Variants in PDE7A observed in about 807,000 individuals in gnomAD.
PDE7A encodes the protein phosphodiesterase 7A, also known as high affinity 3',5'-cyclic-AMP phosphodiesterase 7A.
Under a neutral mutation model 64.3 loss-of-function variants are expected in PDE7A, and 39 were observed. That is an observed-to-expected ratio of 0.61 (90% CI 0.47 to 0.79). The LOEUF (loss-of-function observed/expected upper bound fraction) is 0.79, where lower values mean the gene tolerates loss of function less well. Ranked by LOEUF, PDE7A falls within the 30% of genes least tolerant of loss-of-function variation. The probability of loss-of-function intolerance (pLI) is 0.00; values close to 1 mark genes in which losing one functional copy is unlikely to be tolerated. For missense variants in PDE7A, 470 were observed against 582.8 expected (o/e 0.81, Z 1.99); for synonymous variants, 203 against 206.8 (o/e 0.98, Z 0.16).
rs1194762013 is a variant in PDE7A, at chr8:65,841,390, T to C, written c.119A>G (p.Asn40Ser). The C allele has an allele frequency of 6.4e-6, 10 of 1,558,880 alleles. No individual in the cohort carries two copies. Among genetic ancestry groups the C allele is most frequent in the East Asian group, 5.2e-5 (2 of 38,732 alleles). Reference sequence around the variant, plus strand: ...GATTACCTGAGAGAGCTGCCGGGGATTGGGGCAGCCGAAGAGAGCGGAGCT... The same window carrying C: ...GATTACCTGAGAGAGCTGCCGGGGACTGGGGCAGCCGAAGAGAGCGGAGCT... ...SSSSALFGCPNPRQLSQRRGA... is the reference protein window; with the variant it reads ...SSSSALFGCPSPRQLSQRRGA... Residue 40 changes from asparagine (N) to serine (S), a missense_variant, in exon 1 of 13, where the codon AAT becomes AGT. Transcript: ENST00000401827.
In PDE7A at chr8:65,775,144, CCT is replaced by C. The variant is rs376463046; in HGVS notation, c.283+4574_283+4575del. ...TTTCTCTTTATCTGTGGTGTTTTCCCCTCTTAGTTTTTGAGTATGCACGTTAG... is the reference window on the plus strand; with the variant it reads ...TTTCTCTTTATCTGTGGTGTTTTCCCCTTAGTTTTTGAGTATGCACGTTAG... On this transcript the variant is annotated intron_variant, in intron 3 of 12. Coordinates refer to ENST00000401827, the MANE Select transcript of PDE7A (RefSeq NM_001242318.3). Among the ~76,000 whole-genome samples, 18 of 152,110 alleles carry C rather than the reference CCT, an allele frequency of 1.2e-4. No homozygotes were observed. The East Asian group carries it at 3.1e-3, about 26-fold the overall frequency.
intron 1 of PDE7A, among the ~76,000 whole-genome samples, chr8:65,840,451 A>T (rs1219674961): frequency 6.6e-6 from 1 of 152,078 alleles, no homozygotes; most frequent in Non-Finnish European, 1.5e-5. Flanking sequence ...GATACAATAT[A>T]ACTGGAGAGA....
chr8:65,811,904 T>C (rs1024168499), intron 1 of PDE7A, among the ~76,000 whole-genome samples: 1 of 152,024 alleles, frequency 6.6e-6, no homozygotes, highest in African/African-American at 2.4e-5. Flanking sequence ...GACAGATCAA[T>C]GGAAAAGAAT....
chr8:65,729,181 A>G (rs1806730825), intron 7 of PDE7A, among the ~76,000 whole-genome samples: 1 of 152,192 alleles, frequency 6.6e-6, no homozygotes, highest in Non-Finnish European at 1.5e-5. Flanking sequence ...TATTTAACAT[A>G]TGTGAAGGTC....
chr8:65,790,898 C>A (rs774505413), intron 1 of PDE7A, among the ~76,000 whole-genome samples: 6 of 152,152 alleles, frequency 3.9e-5, no homozygotes, highest in Non-Finnish European at 7.3e-5. Context: ...GGCCAATGCT[C>A]CAGGGAAACA....
chr8:65,754,417 T>C (rs1339811464), intron 3 of PDE7A, among the ~76,000 whole-genome samples: 1 of 151,898 alleles, frequency 6.6e-6, no homozygotes, highest in Admixed American at 6.6e-5. Flanking sequence ...CCCATTCTTT[T>C]ACTTTCAACC....
chr8:65,771,404 T>C (rs66609388), intron 3 of PDE7A: 18,143 of 152,530 alleles, frequency 0.12, 1,122 homozygotes, highest in Non-Finnish European at 0.14. Flanking sequence ...CACCCACAGA[T>C]ACAGCACATA....
chr8:65,770,121 CTGTG>C (rs10608556), intron 3 of PDE7A, among the ~76,000 whole-genome samples: 17,811 of 146,352 alleles, frequency 0.12, 1,279 homozygotes, highest in African/African-American at 0.21. Flanking sequence ...CAGTATACTT[CTGTG>C]TGTGTGTGTG....
chr8:65,794,741 G>C (rs770028330), intron 1 of PDE7A, among the ~76,000 whole-genome samples: 1 of 152,178 alleles, frequency 6.6e-6, no homozygotes, highest in African/African-American at 2.4e-5. Flanking sequence ...CACTGTGTTA[G>C]GCACAAGGGA....
intron 3 of PDE7A, among the ~76,000 whole-genome samples, chr8:65,762,166 T>C (rs971243882): frequency 3.9e-5 from 6 of 152,212 alleles, no homozygotes; most frequent in Non-Finnish European, 8.8e-5. Context: ...AAGGTCATGT[T>C]GAATGGCGCT....
At chr8:65,840,341 T>C (rs1245784615) in intron 1 of PDE7A, among the ~76,000 whole-genome samples, 1 of 151,896 alleles carries the variant, frequency 6.6e-6, no homozygotes, top group South Asian at 2.1e-4. Context: ...AAATGACAAA[T>C]ATTTACTAGA....
At chr8:65,807,347 C>T (rs924271774) in intron 1 of PDE7A, among the ~76,000 whole-genome samples, 4 of 152,156 alleles carry the variant, frequency 2.6e-5, no homozygotes, top group Non-Finnish European at 5.9e-5. Flanking sequence ...TTTAAGGGTA[C>T]AGAAATACAA....
chr8:65,804,177 T>C (rs748618454), intron 1 of PDE7A, among the ~76,000 whole-genome samples: 2 of 152,204 alleles, frequency 1.3e-5, no homozygotes, highest in Non-Finnish European at 2.9e-5. Context: ...TGATATTTTG[T>C]ATTACAAAGA....
At chr8:65,815,375 G>A (rs558686337) in intron 1 of PDE7A, among the ~76,000 whole-genome samples, 1 of 152,234 alleles carries the variant, frequency 6.6e-6, no homozygotes, top group Admixed American at 6.5e-5. Context: ...ACTTCAGACA[G>A]AAAACCTTTG....
intron 8 of PDE7A, 85 bp from the exon 9 acceptor site, chr8:65,727,051 A>C: frequency 1.0e-6 from 1 of 978,684 alleles, no homozygotes; most frequent in Non-Finnish European, 1.6e-6. Context: ...AGCAATATTA[A>C]TCTGGTTAAA....
intron 6 of PDE7A, among the ~76,000 whole-genome samples, chr8:65,736,797 T>TG (rs1807155430): frequency 6.6e-6 from 1 of 151,166 alleles, no homozygotes; most frequent in Non-Finnish European, 1.5e-5. Context: ...TCTGTTTTTT[T>TG]TTTTTTTTTT....
chr8:65,793,572 G>A (rs139739614), intron 1 of PDE7A, among the ~76,000 whole-genome samples: 2 of 151,328 alleles, frequency 1.3e-5, no homozygotes, highest in Non-Finnish European at 2.9e-5. Flanking sequence ...GATCAGGTAC[G>A]TTTCCAAATC....
intron 1 of PDE7A, among the ~76,000 whole-genome samples, chr8:65,838,025 T>C (rs1465836419): frequency 6.7e-6 from 1 of 149,804 alleles, no homozygotes; most frequent in Non-Finnish European, 1.5e-5. Flanking sequence ...TTGTGAAATA[T>C]TTCTTAAAAA....
Position 65,771,651 on chromosome 8 carries a change from G to A in PDE7A, c.283+8069C>T, listed in dbSNP as rs1234084618. Among the ~76,000 whole-genome samples the A allele has an allele frequency of 2.0e-5, 3 of 151,938 alleles. No individual in the cohort carries two copies. The East Asian group carries it at 5.8e-4, about 29-fold the overall frequency. On this transcript the variant is annotated intron_variant, in intron 3 of 12. Transcript: ENST00000401827. ...AGCACTTTGGGAGGCCAGGGCGGGC[G>A]GATCACCTGAGGTAAGAGTTCGAGA...
Sources: gnomAD v4.1 joint callset for allele counts (sites outside exome capture counted in the v4.1 genomes callset) on GRCh38, gnomAD v4.1.1 for gene constraint, MANE v1.5 for transcripts, NCBI Gene and HGNC (gene_info 2026-07-23, HGNC 2026-07-21) for gene names.